The following ADAMTS6 variants were observed in gnomAD, a reference collection of about 807,000 sequenced individuals.
The protein encoded by ADAMTS6 is ADAM metallopeptidase with thrombospondin type 1 motif 6.
In ADAMTS6, 23 loss-of-function variants were observed where a neutral mutation model predicts 144.3. The observed-to-expected ratio is 0.16, with a 90% CI of 0.11 to 0.23. The LOEUF (loss-of-function observed/expected upper bound fraction) is 0.23. ADAMTS6 is among the 10% of genes least tolerant of loss of function. The probability of loss-of-function intolerance (pLI) is 1.00; values close to 1 mark genes in which losing one functional copy is unlikely to be tolerated. For synonymous variants in ADAMTS6, 444 were observed against 457.5 expected, an observed-to-expected ratio of 0.97 and a Z score of 0.38; for missense variants, 999 against 1,379.6, an observed-to-expected ratio of 0.72 and a Z score of 4.37.
chr5:65,290,573 A>G (rs1032627171), intron 11 of ADAMTS6, among the ~76,000 whole-genome samples: 1 of 152,124 alleles, frequency 6.6e-6, no homozygotes, highest in Admixed American at 6.6e-5. Context: ...AAGAAAAAAA[A>G]ATCAAGGCTC....
At chr5:65,376,623 G>A (rs1240241849) in intron 7 of ADAMTS6, among the ~76,000 whole-genome samples, 1 of 151,900 alleles carries the variant, frequency 6.6e-6, no homozygotes, top group East Asian at 1.9e-4. Flanking sequence ...ATTGCCTCAG[G>A]AATTCAAGAC....
At chr5:65,465,375 G>A (rs1483622206) in intron 3 of ADAMTS6, among the ~76,000 whole-genome samples, 1 of 151,980 alleles carries the variant, frequency 6.6e-6, no homozygotes, top group East Asian at 1.9e-4. Context: ...CTAGCTAAAG[G>A]TAATTATTCT....
intron 3 of ADAMTS6, among the ~76,000 whole-genome samples, chr5:65,468,669 G>A (rs1352788151): frequency 6.6e-6 from 1 of 152,200 alleles, no homozygotes; most frequent in Non-Finnish European, 1.5e-5. Context: ...GGTGTTAACA[G>A]AGGGAAAGAG....
chr5:65,260,370 A>G (rs1018220784), intron 14 of ADAMTS6, among the ~76,000 whole-genome samples: 2 of 151,958 alleles, frequency 1.3e-5, no homozygotes, highest in Non-Finnish European at 2.9e-5. Context: ...GCCTCTCTTG[A>G]TATCTGTTGG....
chr5:65,453,418 C>T (rs1353492859), intron 4 of ADAMTS6, among the ~76,000 whole-genome samples: 1 of 152,170 alleles, frequency 6.6e-6, no homozygotes, highest in African/African-American at 2.4e-5. Context: ...TTCTACTGCT[C>T]TAGAAATCTC....
intron 7 of ADAMTS6, among the ~76,000 whole-genome samples, chr5:65,389,397 A>T (rs926068204): frequency 6.6e-6 from 1 of 152,158 alleles, no homozygotes; most frequent in African/African-American, 2.4e-5. Flanking sequence ...ACTTCCTAGT[A>T]AGGTGTAACA....
At position 65,300,084 on chromosome 5, in the gene ADAMTS6, C is replaced by A; in HGVS notation, c.1271G>T (p.Gly424Val). The change falls in exon 10 of 25, where the codon GGT becomes GTT. Residue 424 changes from glycine to valine, a missense_variant. By Grantham distance (109) the Gly-to-Val change is moderately radical. Transcript: ENST00000381055. ...DGIGNSCGTK[G>V]HEAAKLMAAH... ...TGCCATAAGTTTTGCTGCTTCATGA[C>A]CTTTCGTCCCACAAGAATTTCCAAT... The A allele has an allele frequency of 6.2e-7, 1 of 1,614,112 alleles. No homozygotes were observed. Among genetic ancestry groups the A allele is most frequent in the Non-Finnish European group, 8.5e-7 (1 of 1,180,000 alleles).
intron 3 of ADAMTS6, among the ~76,000 whole-genome samples, chr5:65,469,606 G>A (rs1033582687): frequency 3.5e-4 from 54 of 152,212 alleles, no homozygotes; most frequent in Middle Eastern, 3.4e-3. Flanking sequence ...TCTATTTGTA[G>A]AAATTAAGCC....
intron 9 of ADAMTS6, among the ~76,000 whole-genome samples, chr5:65,324,176 GA>G (rs1202743028): frequency 6.6e-6 from 1 of 152,116 alleles, no homozygotes; most frequent in Non-Finnish European, 1.5e-5. Flanking sequence ...TGGTGTTTTA[GA>G]CATGAAGTCC....
intron 7 of ADAMTS6, among the ~76,000 whole-genome samples, chr5:65,442,060 C>T (rs745517475): frequency 3.7e-4 from 53 of 143,674 alleles, no homozygotes; most frequent in South Asian, 1.3e-3. Flanking sequence ...AGTAGACAGA[C>T]GGAAACAAAT....
intron 11 of ADAMTS6, among the ~76,000 whole-genome samples, chr5:65,286,728 A>G (rs1006512296): frequency 7.2e-5 from 11 of 152,260 alleles, no homozygotes; most frequent in Non-Finnish European, 1.3e-4. Flanking sequence ...GAATAAAGAA[A>G]TAAAGAGCTA....
intron 11 of ADAMTS6, among the ~76,000 whole-genome samples, chr5:65,277,773 G>A (rs1331249968): frequency 6.6e-6 from 1 of 152,078 alleles, no homozygotes; most frequent in Non-Finnish European, 1.5e-5. Context: ...TTTTAGAAGG[G>A]AATTTTCCTT....
Position 65,149,140 on chromosome 5 carries a change from G to A in ADAMTS6, c.*2696C>T, listed in dbSNP as rs1752001530. The A allele has an allele frequency of 6.6e-6, 1 of 152,450 alleles. No individual in the cohort carries two copies. Among genetic ancestry groups the A allele is most frequent in the Non-Finnish European group, 1.5e-5 (1 of 68,018 alleles). The allele number at this position is 152,450 out of a possible 1,614,324, so 9.4% of individuals were successfully genotyped here. On this transcript the variant is annotated 3_prime_UTR_variant, in exon 25 of 25. Transcript: ENST00000381055. ...ACATTTACCGTTCCTTTTTTAGTAG[G>A]ACTTTATCCCAGTGGCAGATACTGC...
intron 3 of ADAMTS6, among the ~76,000 whole-genome samples, chr5:65,463,077 T>TAA (rs57197551): frequency 1.6e-5 from 2 of 123,930 alleles, no homozygotes; most frequent in African/African-American, 3.0e-5. Flanking sequence ...AGACTCCGTC[T>TAA]AAAAAAAAAA....
chr5:65,290,550 C>CAA (rs199973462), intron 11 of ADAMTS6, among the ~76,000 whole-genome samples: 108 of 148,596 alleles, frequency 7.3e-4, no homozygotes, highest in Middle Eastern at 6.8e-3. Flanking sequence ...GACTCTGTCT[C>CAA]AAAAAAAAGA....
intron 4 of ADAMTS6, among the ~76,000 whole-genome samples, chr5:65,459,889 G>T (rs1364837822): frequency 1.3e-5 from 2 of 152,058 alleles, no homozygotes; most frequent in Non-Finnish European, 2.9e-5. Flanking sequence ...GTGCAAAAAA[G>T]CTATAGCTAT....
At chr5:65,297,936 AC>A (rs1743001293) in intron 10 of ADAMTS6, among the ~76,000 whole-genome samples, 1 of 152,216 alleles carries the variant, frequency 6.6e-6, no homozygotes. Context: ...AAAATACAGG[AC>A]AAATAAGCCC....
intron 7 of ADAMTS6, among the ~76,000 whole-genome samples, chr5:65,407,101 C>A (rs1365219170): frequency 6.6e-6 from 1 of 152,090 alleles, no homozygotes; most frequent in East Asian, 1.9e-4. Flanking sequence ...CCTAGCAAGG[C>A]AAGCCAACAT....
Position 65,188,021 on chromosome 5 carries a change from A to C in ADAMTS6, c.2905T>G (p.Ser969Ala). The C allele has an allele frequency of 6.2e-7, 1 of 1,614,026 alleles. No homozygotes were observed. The highest frequency in any genetic ancestry group is 8.5e-7 in the Non-Finnish European group (1 of 1,179,974). ...CPPQWVALDW[S>A]ECTPKCGPGF... ...ATAGCCTCAGATTTCCTTACCTCAG[A>C]CCAGTCCAAAGCCACCCACTGTGGT... Residue 969 changes from serine (S) to alanine (A), a missense_variant, in exon 22 of 25, where the codon TCT becomes GCT. By Grantham distance (99) the Ser-to-Ala change is moderately conservative. Around this residue, in one of 3 missense-constraint regions of ADAMTS6, gnomAD observed 619 missense variants for 837.0 expected, o/e 0.74. Coordinates refer to ENST00000381055, the MANE Select transcript of ADAMTS6 (RefSeq NM_197941.4).
Sources: allele counts gnomAD v4.1 joint callset (sites outside exome capture counted in the v4.1 genomes callset), GRCh38; gene constraint gnomAD v4.1.1; regional missense constraint gnomAD v4.1.1; transcripts MANE v1.5; gene names NCBI Gene and HGNC (gene_info 2026-07-23, HGNC 2026-07-21).